DICER1: variants seen among roughly 807,000 people sequenced by gnomAD.
DICER1 encodes endoribonuclease Dicer.
Under a neutral mutation model 194.1 loss-of-function variants are expected in DICER1, and 43 were observed. That is an observed-to-expected ratio of 0.22 (90% CI 0.17 to 0.29). DICER1 has a LOEUF of 0.29. DICER1 is among the 10% of genes least tolerant of loss of function. The probability of loss-of-function intolerance (pLI) is 1.00; values close to 1 mark genes in which losing one functional copy is unlikely to be tolerated. For missense variants in DICER1, 1,608 were observed against 2,317.0 expected, an observed-to-expected ratio of 0.69 and a Z score of 6.28; for synonymous variants, 832 against 820.5, an observed-to-expected ratio of 1.01 and a Z score of -0.24.
Position 95,111,344 on chromosome 14 carries a change from C to A in DICER1, c.2229G>T (p.Thr743=), listed in dbSNP as rs753276132. 1.9e-6 allele frequency: 3 copies of A among 1,614,182 alleles called. No homozygotes were observed. Among genetic ancestry groups the A allele is most frequent in the Non-Finnish European group, 2.5e-6 (3 of 1,180,028 alleles). Residue 743 remains threonine, a synonymous_variant, in exon 14 of 27, where the codon ACG becomes ACT. Transcript: ENST00000343455. ...ETSVPGRPGS[T]KRRQCYPKAI... Reference sequence around the variant, plus strand: ...CTTTTGGGTAGCACTGCCTTCGTTTCGTGGAACCTGGTCTTCCTGGAACAC... The same window carrying A: ...CTTTTGGGTAGCACTGCCTTCGTTTAGTGGAACCTGGTCTTCCTGGAACAC...
chr14:95,138,846 T>G (rs1005462731), intron 1 of DICER1, among the ~76,000 whole-genome samples: 3 of 145,716 alleles, frequency 2.1e-5, no homozygotes, highest in African/African-American at 5.0e-5. Context: ...AGGGATAGCA[T>G]TGGGAGATAT....
intron 22 of DICER1, among the ~76,000 whole-genome samples, chr14:95,096,919 A>G (rs979336417): frequency 6.6e-6 from 1 of 152,244 alleles, no homozygotes; most frequent in African/African-American, 2.4e-5. Flanking sequence ...TGTTCTTTGA[A>G]TGTTCGTTTT....
chr14:95,137,673 A>G (rs547479264), intron 1 of DICER1, among the ~76,000 whole-genome samples: 118 of 152,336 alleles, frequency 7.7e-4, no homozygotes, highest in African/African-American at 2.8e-3. Context: ...ACCCCAAGCA[A>G]GGTGAAAAGC....
chr14:95,107,326 C>T (rs1891515061), intron 17 of DICER1, among the ~76,000 whole-genome samples: 1 of 151,650 alleles, frequency 6.6e-6, no homozygotes, highest in Admixed American at 6.6e-5. Flanking sequence ...TCTCAGCTCA[C>T]TGCAATCTCC....
intron 24 of DICER1, 25 bp from the exon 25 acceptor site, chr14:95,091,390 G>C (rs2139781106): frequency 6.2e-7 from 1 of 1,613,348 alleles, no homozygotes; most frequent in Non-Finnish European, 8.5e-7. Flanking sequence ...AAAGTGACTT[G>C]TAAGCAAAAA....
In DICER1 at chr14:95,125,211, TTTTC is replaced by T. The variant is rs374113653; in HGVS notation, c.904-547_904-544del. On this transcript the variant is annotated intron_variant, in intron 7 of 26. Coordinates refer to ENST00000343455, the MANE Select transcript of DICER1 (RefSeq NM_177438.3). Reference sequence around the variant, plus strand: ...ACAGCTGTCTCTATCATCATTTCTTTTTTCTTTCTTTCTTTCTAAACAGTAGGAA... The same window carrying T: ...ACAGCTGTCTCTATCATCATTTCTTTTTTCTTTCTTTCTAAACAGTAGGAA... Among the ~76,000 whole-genome samples, 357 of 152,216 alleles carry T rather than the reference TTTTC, an allele frequency of 2.3e-3. 4 individuals are homozygous for T. The highest frequency in any genetic ancestry group is 8.0e-3 in the African/African-American group (333 of 41,540).
At position 95,120,306 on chromosome 14, in the gene DICER1, T is replaced by C. The variant is rs917961208; in HGVS notation, c.1377-2552A>G. On this transcript the variant is annotated intron_variant, in intron 8 of 26. Transcript: ENST00000343455. ...GCATACGGATGTTGCACTCCCTAGA[T>C]GGGTGCATAAGCGGCTGAAGAATTA... Among the ~76,000 whole-genome samples the C allele has an allele frequency of 3.9e-5, 6 of 152,204 alleles. No homozygotes were observed. In the East Asian group the frequency reaches 1.2e-3, roughly 29 times the overall value.
At position 95,132,766 on chromosome 14, in the gene DICER1, A is replaced by C. The variant is rs1265447362; in HGVS notation, c.145-89T>G. 2.1e-5 allele frequency: 27 copies of C among 1,297,540 alleles called. 2 individuals are homozygous for C. The highest frequency in any genetic ancestry group is 1.8e-4 in the African/African-American group (12 of 67,686). 80.4% of individuals were successfully genotyped at this position (1,297,540 alleles called of 1,614,324 possible). A position where few individuals can be genotyped will look rare whatever the true frequency, so the allele number is the denominator to read the frequency against. On this transcript the variant is annotated intron_variant, in intron 2 of 26. Transcript: ENST00000343455. ...ATTTTATTTTAAATCAGGAAATTTC[A>C]CTATTCTCTAAAATCGTCCTCCAAT...
intron 17 of DICER1, among the ~76,000 whole-genome samples, chr14:95,107,075 G>A (rs1016138584): frequency 2.0e-5 from 3 of 152,078 alleles, no homozygotes; most frequent in Admixed American, 6.5e-5. Context: ...GAGTGTAGTG[G>A]TGTGATCACA....
intron 4 of DICER1, 136 bp from the exon 5 acceptor site, chr14:95,130,328 T>A: frequency 1.3e-6 from 1 of 778,386 alleles, no homozygotes; most frequent in Non-Finnish European, 2.1e-6. Context: ...ACTAAAATAC[T>A]AAATACATAT....
chr14:95,118,094 T>C (rs528756285), intron 8 of DICER1, among the ~76,000 whole-genome samples: 11 of 152,324 alleles, frequency 7.2e-5, no homozygotes, highest in African/African-American at 2.4e-4. Flanking sequence ...CGGATCCTCA[T>C]AGATCTTGGC....
Position 95,125,848 on chromosome 14 carries a change from A to G in DICER1, c.903+732T>C, listed in dbSNP as rs115018266. Among the ~76,000 whole-genome samples, 775 of 151,752 alleles carry G rather than the reference A, an allele frequency of 5.1e-3. 5 individuals are homozygous for G. Among genetic ancestry groups the G allele is most frequent in the African/African-American group, 0.018 (737 of 41,362 alleles). On this transcript the variant is annotated intron_variant, in intron 7 of 26. Transcript: ENST00000343455. ...AGGAAAAAAAGACAGGAAAGAAAAG[A>G]AAGAAAAGGAAAGAGGAAAGGAAAG...
intron 23 of DICER1, 113 bp from the exon 24 acceptor site, chr14:95,094,269 CATAT>C: frequency 7.4e-7 from 1 of 1,342,510 alleles, no homozygotes; most frequent in Admixed American, 1.9e-5. Context: ...CATTTTCATA[CATAT>C]ATTCTTCAAA....
At chr14:95,120,207 T>C (rs988648343) in intron 8 of DICER1, among the ~76,000 whole-genome samples, 1 of 152,198 alleles carries the variant, frequency 6.6e-6, no homozygotes, top group African/African-American at 2.4e-5. Flanking sequence ...TACATTTTCT[T>C]GTCAATGTGG....
rs1893642345 is a variant in DICER1, at chr14:95,128,180, A to G, written c.734+1292T>C. On this transcript the variant is annotated intron_variant, in intron 6 of 26. Transcript: ENST00000343455. ...AAAGTACATATGATAATTTTAATAA[A>G]AGAAATCTAGCAAAAACATATATAC... is the stretch of plus-strand genomic sequence containing the variant. Among the ~76,000 whole-genome samples the G allele has an allele frequency of 4.6e-5, 7 of 152,358 alleles. No individual in the cohort carries two copies. The South Asian group carries it at 1.4e-3, about 32-fold the overall frequency.
intron 23 of DICER1, among the ~76,000 whole-genome samples, chr14:95,095,062 G>C (rs1566752075): frequency 6.6e-6 from 1 of 152,068 alleles, no homozygotes; most frequent in Admixed American, 6.5e-5. Flanking sequence ...TTCACTTTTT[G>C]GTTTTTACAT....
chr14:95,157,131 C>T (rs1895944117), intron 1 of DICER1, 99 bp downstream of exon 1: 1 of 150,078 alleles, frequency 6.7e-6, no homozygotes, highest in Non-Finnish European at 1.5e-5. Flanking sequence ...GGCTCGGGGC[C>T]ATGGCCGGCA....
chr14:95,111,910 T>C (rs1892000061), intron 13 of DICER1, among the ~76,000 whole-genome samples: 1 of 152,182 alleles, frequency 6.6e-6, no homozygotes, highest in Admixed American at 6.5e-5. Context: ...CGAAAAGACC[T>C]TTATGTACTT....
At chr14:95,093,128 A>C (rs546593059) in intron 24 of DICER1, among the ~76,000 whole-genome samples, 1 of 152,358 alleles carries the variant, frequency 6.6e-6, no homozygotes, top group East Asian at 1.9e-4. Context: ...AAGCAATGAC[A>C]ACTAAAACAG....
Sources: allele counts gnomAD v4.1 joint callset (sites outside exome capture counted in the v4.1 genomes callset), GRCh38; gene constraint gnomAD v4.1.1; transcripts MANE v1.5; gene names NCBI Gene and HGNC (gene_info 2026-07-23, HGNC 2026-07-21).